The following TTC39C variants were observed in gnomAD, a reference collection of about 807,000 sequenced individuals.
TTC39C encodes the protein tetratricopeptide repeat protein 39C.
Under a neutral mutation model 76.3 loss-of-function variants are expected in TTC39C, and 33 were observed. The observed-to-expected ratio is 0.43, with a 90% CI of 0.33 to 0.58. The LOEUF (loss-of-function observed/expected upper bound fraction) is 0.58, where lower values mean the gene tolerates loss of function less well. TTC39C is among the 20% of genes least tolerant of loss of function. The probability of loss-of-function intolerance (pLI) is 0.04; values close to 1 mark genes in which losing one functional copy is unlikely to be tolerated. For missense variants in TTC39C, 595 were observed against 701.4 expected, an observed-to-expected ratio of 0.85 and a Z score of 1.71; for synonymous variants, 254 against 260.6, an observed-to-expected ratio of 0.97 and a Z score of 0.24.
At chr18:24,022,663 T>C in intron 1 of TTC39C, 2 of 985,452 alleles carry the variant, frequency 2.0e-6, no homozygotes, top group Non-Finnish European at 2.4e-6. Flanking sequence ...CAGAGAGATC[T>C]GTCTTCAGGG....
chr18:24,131,010 C>T (rs1196291339), intron 12 of TTC39C, among the ~76,000 whole-genome samples: 3 of 59,828 alleles, frequency 5.0e-5, no homozygotes, highest in Non-Finnish European at 9.0e-5. Flanking sequence ...AAAGTGAAAC[C>T]TCATCTCTGC....
At chr18:24,096,351 T>TA (rs1485062309) in intron 6 of TTC39C, among the ~76,000 whole-genome samples, 1 of 152,220 alleles carries the variant, frequency 6.6e-6, no homozygotes, top group Non-Finnish European at 1.5e-5. Context: ...GTGAAGTTAA[T>TA]TATATTTTCT....
At chr18:24,013,442 C>CA, upstream of TTC39C, among the ~76,000 whole-genome samples, 1 of 152,114 alleles carries the variant, frequency 6.6e-6, no homozygotes, top group South Asian at 2.1e-4. Flanking sequence ...TAAGTAAAAG[C>CA]AACTTACATG....
At chr18:24,017,916 C>T (rs1217415515) in intron 1 of TTC39C, among the ~76,000 whole-genome samples, 1 of 152,156 alleles carries the variant, frequency 6.6e-6, no homozygotes, top group East Asian at 1.9e-4. Flanking sequence ...AGGTCATTTT[C>T]TCATGCCACC....
In TTC39C at chr18:24,135,499, A is replaced by C. The variant is rs1034122137; in HGVS notation, c.*2925A>C. ...TTTTCTGGCCTGCGTGCCGTGACTT[A>C]TCCAACCTGTGAACTGATTGTGATC... is the stretch of plus-strand genomic sequence containing the variant. On this transcript the variant is annotated 3_prime_UTR_variant, in exon 14 of 14. Coordinates refer to ENST00000317571, the MANE Select transcript of TTC39C (RefSeq NM_001135993.2). The C allele has an allele frequency of 6.5e-6, 1 of 153,288 alleles. No individual in the cohort carries two copies. 9.5% of individuals were successfully genotyped at this position (153,288 alleles called of 1,614,324 possible). A position where few individuals can be genotyped will look rare whatever the true frequency, so the allele number is the denominator to read the frequency against.
intron 6 of TTC39C, among the ~76,000 whole-genome samples, chr18:24,085,750 T>C (rs1366594332): frequency 1.3e-5 from 2 of 152,212 alleles, no homozygotes; most frequent in Non-Finnish European, 2.9e-5. Context: ...AGTTAAGTTT[T>C]AAGAAAAAAC....
chr18:24,046,039 C>T (rs183634780), intron 1 of TTC39C, among the ~76,000 whole-genome samples: 61 of 143,250 alleles, frequency 4.3e-4, no homozygotes, highest in African/African-American at 1.1e-3. Context: ...CCTGGGTTCA[C>T]GCCATTCTCC....
chr18:24,010,487 T>C (rs1416349277), upstream of TTC39C, among the ~76,000 whole-genome samples: 2 of 152,262 alleles, frequency 1.3e-5, no homozygotes, highest in African/African-American at 2.4e-5. Flanking sequence ...TAGTTAAAGG[T>C]AGTTAATTAA....
At chr18:24,048,137 T>C (rs943256667) in intron 1 of TTC39C, among the ~76,000 whole-genome samples, 46 of 152,324 alleles carry the variant, frequency 3.0e-4, no homozygotes, top group African/African-American at 1.1e-3. Context: ...ATCTATTATA[T>C]GTATGATTTT....
chr18:24,131,004 T>C (rs2085120178), intron 12 of TTC39C, among the ~76,000 whole-genome samples: 1 of 52,644 alleles, frequency 1.9e-5, no homozygotes. Context: ...GGCAACAAAG[T>C]GAAACCTCAT....
upstream of TTC39C, among the ~76,000 whole-genome samples, chr18:24,014,134 C>T (rs967834520): frequency 6.6e-6 from 1 of 152,226 alleles, no homozygotes; most frequent in Non-Finnish European, 1.5e-5. Context: ...CCCGCCCCCG[C>T]CGCCCACCTC....
intron 1 of TTC39C, among the ~76,000 whole-genome samples, chr18:23,997,682 G>GA (rs1190647790): frequency 6.8e-6 from 1 of 147,890 alleles, no homozygotes; most frequent in Non-Finnish European, 1.5e-5. Flanking sequence ...AAGAAAGAAA[G>GA]AAAGAAAGAA....
At chr18:24,042,621 A>G (rs1167958742) in intron 1 of TTC39C, among the ~76,000 whole-genome samples, 1 of 152,108 alleles carries the variant, frequency 6.6e-6, no homozygotes, top group South Asian at 2.1e-4. Context: ...ACATGTGCAA[A>G]ACATTGCTGG....
intron 1 of TTC39C, among the ~76,000 whole-genome samples, chr18:24,048,531 C>A (rs901739024): frequency 6.6e-6 from 1 of 152,136 alleles, no homozygotes; most frequent in Non-Finnish European, 1.5e-5. Flanking sequence ...CTTTACTATT[C>A]TGATTTGAAA....
intron 11 of TTC39C, among the ~76,000 whole-genome samples, chr18:24,129,305 T>C (rs1253775658): frequency 2.0e-5 from 3 of 152,204 alleles, no homozygotes. Context: ...TGAAGTCTCA[T>C]TGTTAGACAA....
At chr18:24,003,333 A>G (rs925549245) in intron 1 of TTC39C, among the ~76,000 whole-genome samples, 2 of 152,216 alleles carry the variant, frequency 1.3e-5, no homozygotes, top group Non-Finnish European at 2.9e-5. Context: ...CACACAGCGT[A>G]TAACTCTATC....
At chr18:24,001,886 C>T (rs1416997341) in intron 1 of TTC39C, among the ~76,000 whole-genome samples, 1 of 136,178 alleles carries the variant, frequency 7.3e-6, no homozygotes, top group Non-Finnish European at 1.5e-5. Context: ...AGTGCAGTGG[C>T]GCAATCTCGG....
chr18:24,030,574 C>T (rs1291291842), intron 1 of TTC39C, among the ~76,000 whole-genome samples: 4 of 150,440 alleles, frequency 2.7e-5, no homozygotes, highest in Middle Eastern at 3.2e-3. Flanking sequence ...CATAGGTGCA[C>T]GCTGTTCGTG....
intron 1 of TTC39C, among the ~76,000 whole-genome samples, chr18:24,060,034 TC>T (rs1378542669): frequency 7.0e-6 from 1 of 143,102 alleles, no homozygotes; most frequent in Non-Finnish European, 1.6e-5. Flanking sequence ...ACCAGCTCCC[TC>T]CCACAACACT....
Sources: allele counts gnomAD v4.1 joint callset (sites outside exome capture counted in the v4.1 genomes callset), GRCh38; gene constraint gnomAD v4.1.1; transcripts MANE v1.5; gene names NCBI Gene and HGNC (gene_info 2026-07-23, HGNC 2026-07-21).